Variants in THSD7A observed in about 807,000 individuals in gnomAD.
THSD7A encodes thrombospondin type 1 domain containing 7A.
A neutral mutation model predicts 231.3 loss-of-function variants in THSD7A; 96 were observed. The observed-to-expected ratio is 0.41, with a 90% CI of 0.35 to 0.49. THSD7A has a LOEUF of 0.49. Ranked by LOEUF, THSD7A falls within the 20% of genes least tolerant of loss-of-function variation. The pLI is 0.05. For synonymous variants in THSD7A, 940 were observed against 743.3 expected (o/e 1.26, Z -4.30); for missense variants, 2,290 against 2,070.2 (o/e 1.11, Z -2.06).
chr7:11,717,299 A>T lies in THSD7A; in HGVS notation c.191-80338T>A, dbSNP rs1781173867. Among the ~76,000 whole-genome samples the T allele has an allele frequency of 1.3e-5, 2 of 151,672 alleles. 1 individual carries two copies. Among genetic ancestry groups the T allele is most frequent in the South Asian group, 4.1e-4 (2 of 4,822 alleles). ...CCTTTGAATAACCACATGCACTGGG[A>T]TTCTCCCTTAAGTGATCTGTGCTTT... On this transcript the variant is annotated intron_variant, in intron 1 of 27. Transcript: ENST00000423059.
chr7:11,627,462 C>G (rs905501528), intron 2 of THSD7A, among the ~76,000 whole-genome samples: 1 of 152,028 alleles, frequency 6.6e-6, no homozygotes, highest in Non-Finnish European at 1.5e-5. Context: ...TAATATAACA[C>G]ACATTTCCTG....
chr7:11,764,274 T>C (rs1444731792), intron 1 of THSD7A, among the ~76,000 whole-genome samples: 1 of 152,124 alleles, frequency 6.6e-6, no homozygotes, highest in East Asian at 1.9e-4. Flanking sequence ...GTCTATAGTA[T>C]AAAAATAGAT....
At chr7:11,783,003 G>A (rs2128175298) in intron 1 of THSD7A, among the ~76,000 whole-genome samples, 1 of 152,252 alleles carries the variant, frequency 6.6e-6, no homozygotes, top group South Asian at 2.1e-4. Context: ...ATTTGAGTGT[G>A]CGAACCATAT....
Position 11,576,151 on chromosome 7 carries a change from T to C in THSD7A, c.1453+14309A>G, listed in dbSNP as rs1025048625. On this transcript the variant is annotated intron_variant, in intron 4 of 27. Transcript: ENST00000423059. ...TTGTGCATCATCCTTGTTATATTCATTATTGGTTTGATATCCTCTTTCTAC... is the reference window on the plus strand; with the variant it reads ...TTGTGCATCATCCTTGTTATATTCACTATTGGTTTGATATCCTCTTTCTAC... Among the ~76,000 whole-genome samples, 59 of 152,190 alleles carry C rather than the reference T, an allele frequency of 3.9e-4. 1 individual carries two copies. Among genetic ancestry groups the C allele is most frequent in the Admixed American group, 2.9e-3 (44 of 15,280 alleles).
intron 1 of THSD7A, among the ~76,000 whole-genome samples, chr7:11,769,168 TGGTA>T (rs1457336985): frequency 6.6e-4 from 77 of 116,988 alleles, no homozygotes; most frequent in Middle Eastern, 9.2e-3. Context: ...TTTTTTTTTT[TGGTA>T]TTTTTGTAGA....
intron 1 of THSD7A, among the ~76,000 whole-genome samples, chr7:11,722,658 T>C (rs1008589300): frequency 1.3e-5 from 2 of 151,914 alleles, no homozygotes. Flanking sequence ...GCTCAACAAG[T>C]GGGCGAAGGA....
chr7:11,786,409 C>T (rs1476316613), intron 1 of THSD7A, among the ~76,000 whole-genome samples: 1 of 152,022 alleles, frequency 6.6e-6, no homozygotes, highest in Non-Finnish European at 1.5e-5. Context: ...AACTTGTCTC[C>T]ACCACTTCCA....
chr7:11,480,756 A>T (rs1480321730), intron 7 of THSD7A, among the ~76,000 whole-genome samples: 2 of 152,178 alleles, frequency 1.3e-5, no homozygotes, highest in Non-Finnish European at 2.9e-5. Flanking sequence ...ACACACAGAT[A>T]GCAAATTTGA....
intron 4 of THSD7A, among the ~76,000 whole-genome samples, chr7:11,584,922 G>T (rs1426217191): frequency 6.6e-6 from 1 of 152,120 alleles, no homozygotes; most frequent in East Asian, 1.9e-4. Context: ...TAAGGAAGTG[G>T]GGGTGGATAT....
Position 11,406,764 on chromosome 7 carries a change from AAAT to A in THSD7A, c.4062+143_4062+145del. ...TATCAAAACTAATTAAATGGTTATA[AAAT>A]GGCAAGTACATACAAATTTTAAGAA... On this transcript the variant is annotated intron_variant, in intron 21 of 27. Transcript: ENST00000423059. The surrounding 1 kb of genome is among the most constrained non-coding windows in gnomAD (Gnocchi z 4.7). 1 of 1,030,928 alleles carries A rather than the reference AAAT, an allele frequency of 9.7e-7. No homozygotes were observed. Among genetic ancestry groups the A allele is most frequent in the Non-Finnish European group, 1.4e-6 (1 of 730,596 alleles). 63.9% of individuals were successfully genotyped at this position (1,030,928 alleles called of 1,614,324 possible).
chr7:11,645,272 T>C (rs1782236373), intron 1 of THSD7A, among the ~76,000 whole-genome samples: 1 of 151,864 alleles, frequency 6.6e-6, no homozygotes. Context: ...TGGATGTTTT[T>C]TCTCAATATA....
chr7:11,731,565 C>G (rs1781735261), intron 1 of THSD7A, among the ~76,000 whole-genome samples: 1 of 151,484 alleles, frequency 6.6e-6, no homozygotes, highest in African/African-American at 2.4e-5. Flanking sequence ...TCCAATATCT[C>G]AAGACAATTT....
chr7:11,642,836 T>A (rs2128364200), intron 1 of THSD7A, among the ~76,000 whole-genome samples: 1 of 152,242 alleles, frequency 6.6e-6, no homozygotes, highest in Non-Finnish European at 1.5e-5. Flanking sequence ...AATGTGCCTA[T>A]CCTCTTGATA....
chr7:11,794,807 A>T (rs1432903027), intron 1 of THSD7A, among the ~76,000 whole-genome samples: 1 of 152,042 alleles, frequency 6.6e-6, no homozygotes, highest in African/African-American at 2.4e-5. Context: ...CTTCTTTGAA[A>T]TAGAAGCAAA....
chr7:11,541,509 CT>C lies in THSD7A; in HGVS notation c.1731del (p.Ala578GlnfsTer2). ...PCEEPACYDW[K>X]AVRLGNCEPD... ...GGCTCGCAGTTTCCCAGTCTCACTGCTTTCCAGTCATAACAGGCAGGCTCTT... is the reference window on the plus strand; with the variant it reads ...GGCTCGCAGTTTCCCAGTCTCACTGCTTCCAGTCATAACAGGCAGGCTCTT... On this transcript the variant is annotated frameshift_variant, in exon 6 of 28. Coordinates refer to ENST00000423059, the MANE Select transcript of THSD7A (RefSeq NM_015204.3). LOFTEE classifies it high-confidence loss of function. 1 of 1,613,938 alleles carries C rather than the reference CT, an allele frequency of 6.2e-7. No homozygotes were observed. The highest frequency in any genetic ancestry group is 8.5e-7 in the Non-Finnish European group (1 of 1,179,864).
At chr7:11,732,385 G>A (rs560029032) in intron 1 of THSD7A, among the ~76,000 whole-genome samples, 1 of 151,948 alleles carries the variant, frequency 6.6e-6, no homozygotes, top group South Asian at 2.1e-4. Context: ...GTGGCATACT[G>A]CCGGACGCAT....
At position 11,444,982 on chromosome 7, in the gene THSD7A, T is replaced by C. The variant is rs1376001261; in HGVS notation, c.3064+1079A>G. Among the ~76,000 whole-genome samples, 2 of 150,068 alleles carry C rather than the reference T, an allele frequency of 1.3e-5. No individual in the cohort carries two copies. Among genetic ancestry groups the C allele is most frequent in the African/African-American group, 4.9e-5 (2 of 41,102 alleles). ...ATATATATATTAAATGAAACTTCTT[T>C]GTAGTGAGATGTTTAAGAGATTTCA... On this transcript the variant is annotated intron_variant, in intron 13 of 27. Transcript: ENST00000423059. This position sits in a 1 kb window ranked among gnomAD's most constrained non-coding sequence, Gnocchi z 4.2.
At chr7:11,513,005 G>C (rs1486370513) in intron 6 of THSD7A, among the ~76,000 whole-genome samples, 1 of 139,522 alleles carries the variant, frequency 7.2e-6, no homozygotes, top group South Asian at 2.2e-4. Context: ...AACAGCATTT[G>C]CCATGACCTG....
intron 17 of THSD7A, among the ~76,000 whole-genome samples, chr7:11,416,252 G>C (rs1783956276): frequency 6.6e-6 from 1 of 152,036 alleles, no homozygotes; most frequent in Non-Finnish European, 1.5e-5. Flanking sequence ...AAACCTACTG[G>C]ACAAAGTTCC....
Sources: gnomAD v4.1 joint callset for allele counts (sites outside exome capture counted in the v4.1 genomes callset) on GRCh38, gnomAD v4.1.1 for gene constraint, Gnocchi (gnomAD v3.1) non-coding constraint, MANE v1.5 for transcripts, NCBI Gene and HGNC (gene_info 2026-07-23, HGNC 2026-07-21) for gene names.